SERTAD4: variants seen among roughly 807,000 people sequenced by gnomAD.
SERTAD4 encodes the protein SERTA domain containing 4.
SERTAD4 carries 18 observed loss-of-function variants against 32.9 expected under a neutral mutation model. The ratio of observed to expected loss-of-function variants is 0.55; its 90% CI spans 0.38 to 0.81. The LOEUF is 0.81. Ranked by LOEUF, SERTAD4 falls within the 30% of genes least tolerant of loss-of-function variation. SERTAD4 has a pLI of 0.00. For synonymous variants in SERTAD4, 150 were observed against 156.4 expected, an observed-to-expected ratio of 0.96 and a Z score of 0.30; for missense variants, 383 against 426.0, an observed-to-expected ratio of 0.90 and a Z score of 0.89.
intron 1 of SERTAD4, among the ~76,000 whole-genome samples, chr1:210,233,245 C>G (rs1290821893): frequency 1.3e-5 from 2 of 152,078 alleles, no homozygotes; most frequent in African/African-American, 4.8e-5. Flanking sequence ...GGGCTTTTCC[C>G]TGGGCTAGCG....
intron 3 of SERTAD4, among the ~76,000 whole-genome samples, 198 bp from the exon 4 acceptor site, chr1:210,241,360 G>T (rs1376432470): frequency 6.6e-6 from 1 of 152,106 alleles, no homozygotes; most frequent in Non-Finnish European, 1.5e-5. Flanking sequence ...CTCCAGCCAA[G>T]TGAGGAAAGG....
In SERTAD4 at chr1:210,242,019, A is replaced by G. The variant is rs543120162; in HGVS notation, c.753A>G (p.Ala251=). Residue 251 remains alanine (A), a synonymous_variant, in exon 4 of 4, where the codon GCA becomes GCG. Coordinates refer to ENST00000367012, the MANE Select transcript of SERTAD4 (RefSeq NM_019605.5). This position sits in a 1 kb window ranked among gnomAD's most constrained non-coding sequence, Gnocchi z 4.0. ...SRQVDFDVGS[A]SIYKSDGQIP... ...AGGTGGATTTTGATGTAGGTAGTGC[A>G]TCTATTTACAAGAGTGATGGCCAGA... The G allele has an allele frequency of 4.0e-5, 64 of 1,614,140 alleles. No individual in the cohort carries two copies. Among genetic ancestry groups the G allele is most frequent in the Admixed American group, 5.0e-5 (3 of 60,008 alleles).
intron 3 of SERTAD4, 119 bp from the exon 4 acceptor site, chr1:210,241,439 A>G: frequency 9.6e-7 from 1 of 1,038,136 alleles, no homozygotes; most frequent in Non-Finnish European, 1.4e-6. Flanking sequence ...ACATGCCCAG[A>G]CCCAGACAGT....
At chr1:210,239,378 T>A in intron 2 of SERTAD4, 115 bp from the exon 3 acceptor site, 1 of 701,840 alleles carries the variant, frequency 1.4e-6, no homozygotes, top group African/African-American at 1.8e-5. Context: ...TCACCACATG[T>A]ACAGACAAAT....
rs73063777 is a variant in SERTAD4, at chr1:210,234,834, A to C, written c.-18+1823A>C. 1.6e-3 allele frequency among the ~76,000 whole-genome samples: 243 copies of C among 152,336 alleles called. 1 individual carries two copies. The highest frequency in any genetic ancestry group is 5.7e-3 in the African/African-American group (239 of 41,578). On this transcript the variant is annotated intron_variant, in intron 1 of 3. Transcript: ENST00000367012. ...GTTTTGTGTGCCAGCCACTCCTATTAGCATCATAATTGCTTCTAGGAAAGA... is the reference window on the plus strand; with the variant it reads ...GTTTTGTGTGCCAGCCACTCCTATTCGCATCATAATTGCTTCTAGGAAAGA...
intron 1 of SERTAD4, 115 bp from the exon 2 acceptor site, chr1:210,237,829 G>C: frequency 2.8e-6 from 2 of 720,316 alleles, no homozygotes; most frequent in Non-Finnish European, 4.6e-6. Context: ...AAAGGGGAGG[G>C]CCGAGAAGTA....
intron 2 of SERTAD4, 124 bp from the exon 3 acceptor site, chr1:210,239,369 C>T: frequency 3.2e-6 from 2 of 619,346 alleles, no homozygotes; most frequent in Admixed American, 3.6e-5. Flanking sequence ...TATTTTTAAT[C>T]ACCACATGTA....
At chr1:210,240,485 G>A (rs59599798) in intron 3 of SERTAD4, among the ~76,000 whole-genome samples, 7,967 of 152,278 alleles carry the variant, frequency 0.052, 723 homozygotes, top group African/African-American at 0.18. Context: ...TTCCCTGCAT[G>A]TGTAGTCCCT....
rs760827380 is a variant in SERTAD4 at position 210,241,861 on chromosome 1, T to C, written c.595T>C (p.Tyr199His). ...CCFYQECGGH[Y>H]LNLPLSVNAN... ...CTTTTACCAAGAATGTGGTGGCCAC[T>C]ACCTAAATTTACCCCTTTCTGTCAA... The change falls in exon 4 of 4, where the codon TAC (tyrosine) becomes CAC (histidine). Residue 199 changes from tyrosine (Y) to histidine (H), a missense_variant. Around this residue, in one of 3 missense-constraint regions of SERTAD4, gnomAD observed 180 missense variants for 190.6 expected, o/e 0.94. Coordinates refer to ENST00000367012, the MANE Select transcript of SERTAD4 (RefSeq NM_019605.5). The C allele has an allele frequency of 7.4e-6, 12 of 1,614,042 alleles. No homozygotes were observed. Among genetic ancestry groups the C allele is most frequent in the African/African-American group, 2.7e-5 (2 of 74,918 alleles).
chr1:210,235,615 G>A (rs1383470949), intron 1 of SERTAD4, among the ~76,000 whole-genome samples: 2 of 107,382 alleles, frequency 1.9e-5, no homozygotes, highest in East Asian at 4.3e-4. Flanking sequence ...TCAAGTTCAC[G>A]TGCATAATAG....
rs1462994042 is a variant in SERTAD4 at position 210,241,542 on chromosome 1, T to C, written c.292-16T>C. The C allele has an allele frequency of 4.0e-6, 6 of 1,486,976 alleles. No homozygotes were observed. The South Asian group carries it at 6.0e-5, about 15-fold the overall frequency. The allele number at this position is 1,486,976 out of a possible 1,614,324, so 92.1% of individuals were successfully genotyped here. A position where few individuals can be genotyped will look rare whatever the true frequency, so the allele number is the denominator to read the frequency against. On this transcript the variant is annotated splice_polypyrimidine_tract_variant and intron_variant, in intron 3 of 3. Transcript: ENST00000367012. ...TTTCTGTTTGTTTTTTTCTTTTTTT[T>C]TTTTTTGGTTTGTAGACCATCTCAA...
At position 210,243,104 on chromosome 1, in the gene SERTAD4, A is replaced by C. The variant is rs1430985982; in HGVS notation, c.*767A>C. On this transcript the variant is annotated 3_prime_UTR_variant, in exon 4 of 4. Transcript: ENST00000367012. Reference sequence around the variant, plus strand: ...TTTAACAAACAGGACAAAAAAAAAAAAAAAAAAAAAACCACAGGGTGGATC... The same window carrying C: ...TTTAACAAACAGGACAAAAAAAAAACAAAAAAAAAAACCACAGGGTGGATC... The C allele has an allele frequency of 1.7e-5, 16 of 951,800 alleles. No individual in the cohort carries two copies. The highest frequency in any genetic ancestry group is 1.1e-4 in the African/African-American group (5 of 44,590). 59.0% of individuals were successfully genotyped at this position (951,800 alleles called of 1,614,324 possible). A position where few individuals can be genotyped will look rare whatever the true frequency, so the allele number is the denominator to read the frequency against.
chr1:210,235,619 A>G (rs1336061782), intron 1 of SERTAD4, among the ~76,000 whole-genome samples: 1 of 106,164 alleles, frequency 9.4e-6, no homozygotes, highest in Non-Finnish European at 1.8e-5. Flanking sequence ...GTTCACGTGC[A>G]TAATAGGATA....
intron 3 of SERTAD4, 117 bp downstream of exon 3, chr1:210,239,725 C>G (rs2083976987): frequency 6.7e-6 from 4 of 596,152 alleles, no homozygotes; most frequent in Non-Finnish European, 5.8e-6. Context: ...TGAGCCACTT[C>G]TCAGTGGAGC....
Position 210,242,648 on chromosome 1 carries a change from G to A in SERTAD4, c.*311G>A, listed in dbSNP as rs539217067. 2.8e-6 allele frequency: 3 copies of A among 1,085,854 alleles called. No homozygotes were observed. In the South Asian group the frequency reaches 1.3e-4, roughly 48 times the overall value. 67.3% of individuals were successfully genotyped at this position (1,085,854 alleles called of 1,614,324 possible). A position where few individuals can be genotyped will look rare whatever the true frequency, so the allele number is the denominator to read the frequency against. ...AATGTGCCCTTGCAATATTTCCATT[G>A]CCCCCCAAGGAGCCTGTCACTAGCT... On this transcript the variant is annotated 3_prime_UTR_variant, in exon 4 of 4. Coordinates refer to ENST00000367012, the MANE Select transcript of SERTAD4 (RefSeq NM_019605.5). The surrounding 1 kb of genome is among the most constrained non-coding windows in gnomAD (Gnocchi z 4.0).
In SERTAD4 at chr1:210,242,942, C is replaced by T; in HGVS notation, c.*605C>T. 1 of 985,734 alleles carries T rather than the reference C, an allele frequency of 1.0e-6. No individual in the cohort carries two copies. Among genetic ancestry groups the T allele is most frequent in the African/African-American group, 1.7e-5 (1 of 57,308 alleles). 61.1% of individuals were successfully genotyped at this position (985,734 alleles called of 1,614,324 possible). A position where few individuals can be genotyped will look rare whatever the true frequency, so the allele number is the denominator to read the frequency against. ...CAGTCTTACACAGAGAGGGTATTCC[C>T]TGCAAGTTTCTGGCTTGCCTGTGAT... On this transcript the variant is annotated 3_prime_UTR_variant, in exon 4 of 4. Transcript: ENST00000367012. This position sits in a 1 kb window ranked among gnomAD's most constrained non-coding sequence, Gnocchi z 4.0.
intron 3 of SERTAD4, among the ~76,000 whole-genome samples, chr1:210,241,318 A>C (rs2083991786): frequency 6.6e-6 from 1 of 151,998 alleles, no homozygotes; most frequent in African/African-American, 2.4e-5. Flanking sequence ...CTAGTGCTTG[A>C]CCACACCAGT....
intron 1 of SERTAD4, chr1:210,234,013 G>A (rs2083915453): frequency 2.8e-6 from 1 of 361,738 alleles, no homozygotes; most frequent in Admixed American, 4.0e-5. Context: ...AAAAGGATAA[G>A]ACATAAAGAA....
Position 210,242,079 on chromosome 1 carries a change from A to C in SERTAD4, c.813A>C (p.Arg271Ser). The C allele has an allele frequency of 1.2e-6, 2 of 1,614,212 alleles. No homozygotes were observed. Among genetic ancestry groups the C allele is most frequent in the Non-Finnish European group, 1.7e-6 (2 of 1,180,032 alleles). The change falls in exon 4 of 4, where the codon AGA becomes AGC. Residue 271 changes from arginine (R) to serine (S), a missense_variant. By Grantham distance (110) the Arg-to-Ser change is moderately radical (BLOSUM62 -1). Transcript: ENST00000367012. The surrounding 1 kb of genome is among the most constrained non-coding windows in gnomAD (Gnocchi z 4.0). ...ATGAAATCTTTGTCACTAATGTCAG[A>C]TCACTTGGTGTTCAGGAAAAGGCCA... Reference protein sequence around the residue: ...PANEIFVTNVRSLGVQEKAKL... With the variant: ...PANEIFVTNVSSLGVQEKAKL...
Sources: gnomAD v4.1 joint callset for allele counts (sites outside exome capture counted in the v4.1 genomes callset) on GRCh38, gnomAD v4.1.1 for gene constraint, gnomAD v4.1.1 regional missense constraint, Gnocchi (gnomAD v3.1) non-coding constraint, MANE v1.5 for transcripts, NCBI Gene and HGNC (gene_info 2026-07-23, HGNC 2026-07-21) for gene names.